Variants in SHROOM2 observed in about 807,000 individuals in gnomAD.
SHROOM2 encodes protein Shroom2.
Under a neutral mutation model 75.9 loss-of-function variants are expected in SHROOM2, and 33 were observed. That is an observed-to-expected ratio of 0.43 (90% CI 0.33 to 0.58). SHROOM2 has a LOEUF of 0.58. SHROOM2 is among the 20% of genes least tolerant of loss of function. SHROOM2 has a pLI of 0.04. For synonymous variants in SHROOM2, 655 were observed against 663.6 expected, an observed-to-expected ratio of 0.99 and a Z score of 0.20; for missense variants, 1,434 against 1,461.2, an observed-to-expected ratio of 0.98 and a Z score of 0.30.
intron 2 of SHROOM2, among the ~76,000 whole-genome samples, chrX:9,880,157 T>C (rs1248969220): frequency 8.9e-6 from 1 of 112,181 alleles, no homozygotes; most frequent in Non-Finnish European, 1.9e-5. Flanking sequence ...TGGGAGGTAG[T>C]GTCCTGCGAG....
chrX:9,897,340 C>T lies in SHROOM2; in HGVS notation c.2790+642C>T, dbSNP rs1443776963. Reference sequence around the variant, plus strand: ...GTCTCTTTCTCTCTTGCACCTACCCCCTTTGAAAGCTTTTTCTCCCTATTA... The same window carrying T: ...GTCTCTTTCTCTCTTGCACCTACCCTCTTTGAAAGCTTTTTCTCCCTATTA... On this transcript the variant is annotated intron_variant, in intron 4 of 9. Coordinates refer to ENST00000380913, the MANE Select transcript of SHROOM2 (RefSeq NM_001649.4). 1.3e-4 allele frequency among the ~76,000 whole-genome samples: 14 copies of T among 110,867 alleles called. No homozygotes were observed. In the Admixed American group the frequency reaches 1.4e-3, roughly 11 times the overall value.
chrX:9,892,725 C>G (rs968187734), intron 3 of SHROOM2, among the ~76,000 whole-genome samples: 8 of 111,798 alleles, frequency 7.2e-5, no homozygotes, highest in Admixed American at 3.8e-4. Flanking sequence ...GGGTGGGAAA[C>G]CCAAACAGTC....
chrX:9,806,633 G>A (rs2083754468), intron 1 of SHROOM2, among the ~76,000 whole-genome samples: 1 of 87,522 alleles, frequency 1.1e-5, no homozygotes, highest in Non-Finnish European at 2.2e-5. Context: ...GGCACTATCC[G>A]GGCTCACTGC....
chrX:9,849,446 C>A (rs903966257), intron 1 of SHROOM2, among the ~76,000 whole-genome samples: 23 of 112,050 alleles, frequency 2.1e-4, no homozygotes, highest in African/African-American at 7.1e-4. Context: ...GCTGCAGCTT[C>A]CCTATGGGGG....
chrX:9,928,037 G>A, intron 5 of SHROOM2, among the ~76,000 whole-genome samples: 1 of 112,254 alleles, frequency 8.9e-6, no homozygotes, highest in Non-Finnish European at 1.9e-5. Flanking sequence ...TCCTGTCATA[G>A]CATGCTGGGT....
intron 1 of SHROOM2, among the ~76,000 whole-genome samples, chrX:9,799,870 G>A (rs752179999): frequency 4.5e-5 from 5 of 110,783 alleles, no homozygotes; most frequent in African/African-American, 1.6e-4. Context: ...TCAACTTTTC[G>A]TCTGAACTCT....
intron 1 of SHROOM2, among the ~76,000 whole-genome samples, chrX:9,855,544 C>CAGAT (rs34574616): frequency 1.7e-3 from 187 of 108,803 alleles, no homozygotes; most frequent in Non-Finnish European, 2.2e-3. Context: ...CATATTAATC[C>CAGAT]AGATAGATAG....
intron 1 of SHROOM2, among the ~76,000 whole-genome samples, chrX:9,846,590 C>T (rs1244278929): frequency 2.7e-5 from 3 of 112,332 alleles, no homozygotes; most frequent in East Asian, 2.8e-4. Flanking sequence ...CCATCACACC[C>T]GGCCAATTAT....
At position 9,937,667 on chromosome X, in the gene SHROOM2, C is replaced by A. The variant is rs1020474870; in HGVS notation, c.4121C>A (p.Pro1374His). ...RRKLLPKIPS[P>H]RSTEERKEEP... ...AAGCTGCTCCCCAAAATCCCCTCTC[C>A]TAGAAGCACAGAGGAGAGGTGAGTA... The change falls in exon 7 of 10, where the codon CCT (proline) becomes CAT (histidine). Residue 1374 changes from proline to histidine, a missense_variant. This residue lies in a region of SHROOM2 where 1,340 missense variants were observed against 1,338.3 expected (regional missense o/e 1.00). Transcript: ENST00000380913. 9 of 1,192,333 alleles carry A rather than the reference C, an allele frequency of 7.5e-6. No homozygotes were observed. The highest frequency in any genetic ancestry group is 9.0e-6 in the Non-Finnish European group (8 of 886,089).
intron 2 of SHROOM2, among the ~76,000 whole-genome samples, chrX:9,890,240 G>A (rs1374023267): frequency 8.9e-6 from 1 of 111,817 alleles, no homozygotes; most frequent in African/African-American, 3.2e-5. Flanking sequence ...GGTGGTGAGC[G>A]CCTGTAATCC....
At chrX:9,935,302 C>T (rs1766100906) in intron 6 of SHROOM2, among the ~76,000 whole-genome samples, 1 of 88,519 alleles carries the variant, frequency 1.1e-5, no homozygotes, top group African/African-American at 4.9e-5. Flanking sequence ...CCAGGTTTTC[C>T]TCCTTCTTTT....
chrX:9,860,430 A>G (rs773934148), intron 1 of SHROOM2, among the ~76,000 whole-genome samples: 9 of 110,983 alleles, frequency 8.1e-5, no homozygotes, highest in Non-Finnish European at 1.3e-4. Flanking sequence ...AGTCATGTCA[A>G]TATTTTTTTT....
intron 5 of SHROOM2, among the ~76,000 whole-genome samples, chrX:9,910,034 CA>C (rs1321550031): frequency 9.1e-6 from 1 of 110,301 alleles, no homozygotes; most frequent in African/African-American, 3.3e-5. Context: ...CTTATGACCT[CA>C]TCACCTCCCA....
intron 3 of SHROOM2, among the ~76,000 whole-genome samples, chrX:9,892,055 C>T (rs2084297034): frequency 9.2e-6 from 1 of 109,005 alleles, no homozygotes; most frequent in Admixed American, 9.8e-5. Context: ...AGTTCAAGAC[C>T]ACCCGGGACA....
intron 5 of SHROOM2, among the ~76,000 whole-genome samples, chrX:9,919,619 C>T (rs1009064265): frequency 1.8e-5 from 2 of 110,208 alleles, no homozygotes; most frequent in African/African-American, 6.6e-5. Context: ...CGTGAACCAC[C>T]GCACCCGGCC....
At chrX:9,864,470 C>T (rs1316592163) in intron 1 of SHROOM2, among the ~76,000 whole-genome samples, 1 of 111,283 alleles carries the variant, frequency 9.0e-6, no homozygotes, top group Non-Finnish European at 1.9e-5. Context: ...TTGCTTGAGG[C>T]CTGGAGATTG....
chrX:9,823,152 CCTT>C (rs1204920917), intron 1 of SHROOM2, among the ~76,000 whole-genome samples: 72 of 58,945 alleles, frequency 1.2e-3, no homozygotes, highest in African/African-American at 3.9e-3. Flanking sequence ...TCTCCTTCTT[CCTT>C]CTTCTTCTTT....
chrX:9,838,804 C>CTG (rs1447535358), intron 1 of SHROOM2, among the ~76,000 whole-genome samples: 1 of 111,947 alleles, frequency 8.9e-6, no homozygotes, highest in African/African-American at 3.2e-5. Flanking sequence ...GGTTTAACTT[C>CTG]TGTGTGAGAG....
chrX:9,802,238 G>A (rs778146932), intron 1 of SHROOM2, among the ~76,000 whole-genome samples: 1 of 111,010 alleles, frequency 9.0e-6, no homozygotes. Flanking sequence ...CCAGCTCGCT[G>A]CAGACTCTTG....
Sources: gnomAD v4.1 joint callset for allele counts (sites outside exome capture counted in the v4.1 genomes callset) on GRCh38, gnomAD v4.1.1 for gene constraint, gnomAD v4.1.1 regional missense constraint, MANE v1.5 for transcripts, NCBI Gene and HGNC (gene_info 2026-07-23, HGNC 2026-07-21) for gene names.